The following PTPRD variants were observed in gnomAD, a reference collection of about 807,000 sequenced individuals.
PTPRD encodes the protein protein tyrosine phosphatase receptor type D.
A neutral mutation model predicts 214.5 loss-of-function variants in PTPRD; 34 were observed. That is an observed-to-expected ratio of 0.16 (90% confidence interval 0.12 to 0.21). PTPRD has a LOEUF of 0.21. PTPRD is among the 10% of genes least tolerant of loss of function. The pLI is 1.00. For missense variants in PTPRD, 2,545 were observed against 2,398.7 expected (o/e 1.06, Z -1.27); for synonymous variants, 1,128 against 845.7 (o/e 1.33, Z -5.79).
At chr9:8,503,886 C>T (rs1563898522) in intron 23 of PTPRD, among the ~76,000 whole-genome samples, 1 of 152,120 alleles carries the variant, frequency 6.6e-6, no homozygotes, top group South Asian at 2.1e-4. Flanking sequence ...TTGTCTTTTG[C>T]AGCCTCTTTC....
At chr9:10,292,128 A>T (rs1483318528) in intron 3 of PTPRD, among the ~76,000 whole-genome samples, 2 of 152,072 alleles carry the variant, frequency 1.3e-5, no homozygotes, top group Non-Finnish European at 2.9e-5. Flanking sequence ...TCGTAATTTT[A>T]TTATAATTAA....
At chr9:10,474,478 A>G (rs887462875) in intron 2 of PTPRD, among the ~76,000 whole-genome samples, 3 of 152,182 alleles carry the variant, frequency 2.0e-5, no homozygotes, top group Non-Finnish European at 4.4e-5. Flanking sequence ...AGGAGCACCC[A>G]GATTCATAAA....
intron 3 of PTPRD, among the ~76,000 whole-genome samples, chr9:10,173,672 C>A (rs554155660): frequency 1.3e-5 from 2 of 151,698 alleles, no homozygotes; most frequent in African/African-American, 4.8e-5. Flanking sequence ...AAGAGGATAT[C>A]TCACACCTAA....
chr9:8,993,996 A>C (rs2099387251), intron 11 of PTPRD, among the ~76,000 whole-genome samples: 1 of 152,120 alleles, frequency 6.6e-6, no homozygotes, highest in African/African-American at 2.4e-5. Flanking sequence ...TTTTGTGAAC[A>C]AGCACTGAAT....
intron 11 of PTPRD, among the ~76,000 whole-genome samples, chr9:8,983,188 C>T (rs1589281929): frequency 6.6e-6 from 1 of 151,774 alleles, no homozygotes; most frequent in East Asian, 1.9e-4. Flanking sequence ...ATTAGAATGG[C>T]CAAAATTAAC....
chr9:9,998,129 A>AAATATATATATATATATATAT (rs57991748), intron 4 of PTPRD, among the ~76,000 whole-genome samples: 9 of 91,458 alleles, frequency 9.8e-5, no homozygotes, highest in African/African-American at 5.3e-4. Flanking sequence ...AAAAAAAAAA[A>AAATATATATATATATATATAT]ATATATATAT....
At chr9:8,782,312 CATTGTT>C (rs2095746899) in intron 11 of PTPRD, among the ~76,000 whole-genome samples, 1 of 152,024 alleles carries the variant, frequency 6.6e-6, no homozygotes. Context: ...GTTTATAATA[CATTGTT>C]ATTAACTGTA....
chr9:9,005,283 GCTC>G (rs1338900910), intron 11 of PTPRD, among the ~76,000 whole-genome samples: 13 of 151,976 alleles, frequency 8.6e-5, no homozygotes, highest in Admixed American at 8.5e-4. Context: ...GTGACAATTT[GCTC>G]CTCAATAAAA....
intron 12 of PTPRD, among the ~76,000 whole-genome samples, chr9:8,638,461 C>T (rs527389444): frequency 1.3e-5 from 2 of 152,200 alleles, no homozygotes; most frequent in East Asian, 1.9e-4. Context: ...GTAACTTTAC[C>T]ATTTCTTGGT....
At chr9:8,633,625 G>A (rs573262231) in intron 13 of PTPRD, among the ~76,000 whole-genome samples, 167 bp from the exon 14 acceptor site, 1 of 152,136 alleles carries the variant, frequency 6.6e-6, no homozygotes, top group South Asian at 2.1e-4. Flanking sequence ...CTAATTTAGT[G>A]AATCTTCTAC....
At chr9:9,925,165 G>A (rs1348345643) in intron 5 of PTPRD, among the ~76,000 whole-genome samples, 1 of 152,034 alleles carries the variant, frequency 6.6e-6, no homozygotes, top group Admixed American at 6.6e-5. Context: ...TCTACAATTT[G>A]CTCACAAATT....
chr9:9,678,731 T>C (rs573186151), intron 7 of PTPRD, among the ~76,000 whole-genome samples: 2 of 151,754 alleles, frequency 1.3e-5, no homozygotes, highest in East Asian at 1.9e-4. Context: ...GCTCTCAGCA[T>C]AACAAGGAGT....
At chr9:10,282,919 C>T (rs10959015) in intron 3 of PTPRD, among the ~76,000 whole-genome samples, 55,479 of 152,010 alleles carry the variant, frequency 0.36, 12,931 homozygotes, top group African/African-American at 0.63. Context: ...TCTATTCTCT[C>T]ATTTCTATCT....
rs150115340 is a variant in PTPRD, at chr9:9,276,821, A to G, written c.-202-93458T>C. Among the ~76,000 whole-genome samples the G allele has an allele frequency of 2.9e-3, 433 of 151,494 alleles. 2 individuals are homozygous for G. Among genetic ancestry groups the G allele is most frequent in the African/African-American group, 9.7e-3 (400 of 41,448 alleles). ...TTCCTAATTCTATATTTCACTAACT[A>G]TGTGGGGAAAGTCAATATTTTATTG... On this transcript the variant is annotated intron_variant, in intron 9 of 45. Transcript: ENST00000381196.
At chr9:9,727,091 T>G (rs1029664382) in intron 7 of PTPRD, among the ~76,000 whole-genome samples, 1 of 152,162 alleles carries the variant, frequency 6.6e-6, no homozygotes, top group African/African-American at 2.4e-5. Flanking sequence ...GTGTGCTTAA[T>G]TAACCACAAA....
At chr9:8,772,741 G>A (rs565797647) in intron 11 of PTPRD, among the ~76,000 whole-genome samples, 80 of 150,900 alleles carry the variant, frequency 5.3e-4, no homozygotes, top group African/African-American at 1.9e-3. Flanking sequence ...TCAATAGGTT[G>A]ATTTTTTTTT....
intron 11 of PTPRD, among the ~76,000 whole-genome samples, chr9:9,015,934 A>G (rs10816033): frequency 0.14 from 20,574 of 152,112 alleles, 1,753 homozygotes; most frequent in East Asian, 0.34. Flanking sequence ...AATAAGTAGA[A>G]AGAAAGTAGA....
intron 26 of PTPRD, among the ~76,000 whole-genome samples, chr9:8,496,211 A>AACACAC (rs60850678): frequency 1.9e-4 from 17 of 91,442 alleles, no homozygotes; most frequent in African/African-American, 5.8e-4. Context: ...CACACACACA[A>AACACAC]ACACACACAC....
intron 6 of PTPRD, among the ~76,000 whole-genome samples, chr9:9,754,480 T>A (rs113799008): frequency 0.016 from 2,368 of 152,182 alleles, 39 homozygotes; most frequent in African/African-American, 0.039. Flanking sequence ...TCTCTGCAAA[T>A]GGTGATAAAT....
Sources: allele counts gnomAD v4.1 joint callset (sites outside exome capture counted in the v4.1 genomes callset), GRCh38; gene constraint gnomAD v4.1.1; transcripts MANE v1.5; gene names NCBI Gene and HGNC (gene_info 2026-07-23, HGNC 2026-07-21).